The following WWP2 variants were observed in gnomAD, a reference collection of about 807,000 sequenced individuals.
The protein encoded by WWP2 is NEDD4-like E3 ubiquitin-protein ligase WWP2.
A neutral mutation model predicts 121.0 loss-of-function variants in WWP2; 57 were observed. The observed-to-expected ratio is 0.47, with a 90% CI of 0.38 to 0.59. WWP2 has a LOEUF of 0.59. Among genes scored for constraint, WWP2 ranks in the 20% least tolerant of loss-of-function variants. WWP2 has a pLI of 0.00. For missense variants in WWP2, 962 were observed against 1,158.9 expected (o/e 0.83, Z 2.47); for synonymous variants, 449 against 441.3 (o/e 1.02, Z -0.22).
At chr16:69,932,994 G>A (rs1297872634) in intron 16 of WWP2, 2 of 471,760 alleles carry the variant, frequency 4.2e-6, no homozygotes, top group Non-Finnish European at 8.8e-6. Context: ...CTTCTGCGCT[G>A]GCCCCGTGGA....
intron 4 of WWP2, among the ~76,000 whole-genome samples, chr16:69,818,366 C>A (rs2056534894): frequency 6.6e-6 from 1 of 152,018 alleles, no homozygotes; most frequent in South Asian, 2.1e-4. Context: ...TGCCACCACG[C>A]CCAGCTAATT....
chr16:69,933,051 G>C (rs753688057), intron 16 of WWP2: 1 of 489,310 alleles, frequency 2.0e-6, no homozygotes. Context: ...GGCTCTGCTT[G>C]GTGGGCTTCT....
intron 7 of WWP2, among the ~76,000 whole-genome samples, chr16:69,886,418 T>C (rs116123798): frequency 0.042 from 6,356 of 151,284 alleles, 462 homozygotes; most frequent in African/African-American, 0.15. Flanking sequence ...ATGGGGAGAC[T>C]CAGACCAGGT....
chr16:69,898,125 TC>T lies in WWP2; in HGVS notation c.914+9877del, dbSNP rs1428441547. ...TCACTGCAACCTCCGCCTCCTGAGT[TC>T]AAGTGATTCTCCTGCCTCAGCCTCC... On this transcript the variant is annotated intron_variant, in intron 8 of 23. Transcript: ENST00000359154. Among the ~76,000 whole-genome samples, 15 of 151,252 alleles carry T rather than the reference TC, an allele frequency of 9.9e-5. No homozygotes were observed. In the East Asian group the frequency reaches 2.8e-3, roughly 28 times the overall value.
chr16:69,921,660 G>T (rs1261722526), intron 10 of WWP2, among the ~76,000 whole-genome samples: 1 of 152,150 alleles, frequency 6.6e-6, no homozygotes, highest in African/African-American at 2.4e-5. Context: ...TTGCCGTCTT[G>T]TGTCGTGTTC....
chr16:69,905,954 T>C (rs1404673729), intron 8 of WWP2, among the ~76,000 whole-genome samples: 2 of 152,212 alleles, frequency 1.3e-5, no homozygotes, highest in East Asian at 3.8e-4. Flanking sequence ...AGGCAAGGAT[T>C]GCATACATGG....
intron 6 of WWP2, among the ~76,000 whole-genome samples, chr16:69,844,907 A>G (rs2057041981): frequency 1.3e-5 from 2 of 152,188 alleles, no homozygotes; most frequent in South Asian, 4.1e-4. Context: ...TTTTGCAAAT[A>G]TTATCCAAAG....
intron 6 of WWP2, among the ~76,000 whole-genome samples, chr16:69,853,755 A>G (rs1174843394): frequency 6.6e-6 from 1 of 152,204 alleles, no homozygotes; most frequent in Non-Finnish European, 1.5e-5. Flanking sequence ...GCAGGACTGC[A>G]TGGCTGGCTA....
intron 8 of WWP2, among the ~76,000 whole-genome samples, chr16:69,888,829 C>G (rs1439433597): frequency 6.6e-6 from 1 of 152,096 alleles, no homozygotes; most frequent in African/African-American, 2.4e-5. Flanking sequence ...CTCAGCCTCC[C>G]AAGTAGCTGG....
Position 69,939,997 on chromosome 16 carries a change from C to T in WWP2, c.*57C>T. The stretch of plus-strand genomic sequence containing the variant: ...ACATGTAGTCCTGAGTCCTCCCTGC[C>T]TGAGAGGCCACTGGCCCCGCAGCCC... On this transcript the variant is annotated 3_prime_UTR_variant, in exon 24 of 24. Coordinates refer to ENST00000359154, the MANE Select transcript of WWP2 (RefSeq NM_001270454.2). The T allele has an allele frequency of 6.8e-7, 1 of 1,465,214 alleles. No homozygotes were observed. The highest frequency in any genetic ancestry group is 9.4e-7 in the Non-Finnish European group (1 of 1,065,812). 90.8% of individuals were successfully genotyped at this position (1,465,214 alleles called of 1,614,324 possible).
chr16:69,895,394 A>T (rs1476797274), intron 8 of WWP2, among the ~76,000 whole-genome samples: 3 of 152,168 alleles, frequency 2.0e-5, no homozygotes, highest in Non-Finnish European at 2.9e-5. Flanking sequence ...TCTATTGTGA[A>T]TCCTTTAATT....
chr16:69,931,476 C>T (rs767863001), intron 14 of WWP2, 33 bp from the exon 15 acceptor site: 16 of 1,612,190 alleles, frequency 9.9e-6, no homozygotes, highest in Non-Finnish European at 1.2e-5. Context: ...ACTTGAGGCT[C>T]GATTTAAAGT....
intron 1 of WWP2, among the ~76,000 whole-genome samples, chr16:69,779,626 C>A (rs1371698553): frequency 6.6e-6 from 1 of 152,018 alleles, no homozygotes; most frequent in East Asian, 1.9e-4. Flanking sequence ...AGAGTCAGGA[C>A]CAAAGGCTCA....
chr16:69,939,529 C>A, intron 23 of WWP2, 116 bp downstream of exon 23: 1 of 1,095,256 alleles, frequency 9.1e-7, no homozygotes, highest in East Asian at 2.5e-5. Context: ...TTGCGTGGCC[C>A]TGGGGTGTTG....
rs1039227023 is a variant in WWP2 at position 69,843,415 on chromosome 16, G to C, written c.575+1295G>C. ...TTCTAAGTATAAAGAGATGAGGGGA[G>C]AGGGTTGGCACCTTTGTTTATTGTT... On this transcript the variant is annotated intron_variant, in intron 6 of 23. Transcript: ENST00000359154. Among the ~76,000 whole-genome samples, 3 of 152,134 alleles carry C rather than the reference G, an allele frequency of 2.0e-5. No homozygotes were observed. In the South Asian group the frequency reaches 6.2e-4, roughly 32 times the overall value.
chr16:69,922,077 C>CA (rs530518146), intron 10 of WWP2, among the ~76,000 whole-genome samples: 1,563 of 96,386 alleles, frequency 0.016, 16 homozygotes, highest in Non-Finnish European at 0.025. Context: ...GACTCCATCT[C>CA]AAAAAAAAAA....
At chr16:69,762,988 T>C (rs1208685339) in intron 1 of WWP2, among the ~76,000 whole-genome samples, 1 of 152,136 alleles carries the variant, frequency 6.6e-6, no homozygotes, top group Non-Finnish European at 1.5e-5. Flanking sequence ...TTTCCACTTC[T>C]TGGGAGCCTA....
intron 7 of WWP2, among the ~76,000 whole-genome samples, chr16:69,872,459 C>T (rs920251418): frequency 2.6e-5 from 4 of 152,182 alleles, no homozygotes; most frequent in Non-Finnish European, 5.9e-5. Flanking sequence ...CTTGTGATCG[C>T]CCGTCTTGGC....
intron 8 of WWP2, among the ~76,000 whole-genome samples, chr16:69,897,354 A>G (rs2058121412): frequency 6.6e-6 from 1 of 151,880 alleles, no homozygotes. Flanking sequence ...CTGCTCCCCT[A>G]AACTTCCCAA....
Sources: allele counts gnomAD v4.1 joint callset (sites outside exome capture counted in the v4.1 genomes callset), GRCh38; gene constraint gnomAD v4.1.1; transcripts MANE v1.5; gene names NCBI Gene and HGNC (gene_info 2026-07-23, HGNC 2026-07-21).